NSUN2: variants seen among roughly 807,000 people sequenced by gnomAD.
NSUN2 encodes NOP2/Sun RNA methyltransferase 2.
In NSUN2, 63 loss-of-function variants were observed where a neutral mutation model predicts 92.7. The ratio of observed to expected loss-of-function variants is 0.68; its 90% CI spans 0.56 to 0.84. NSUN2 has a LOEUF of 0.84. NSUN2 is among the 40% of genes least tolerant of loss of function. NSUN2 has a pLI of 0.00. For synonymous variants in NSUN2, 356 were observed against 348.3 expected (o/e 1.02, Z -0.25); for missense variants, 989 against 964.9 (o/e 1.02, Z -0.33).
At chr5:6,629,315 G>C (rs900533733) in intron 3 of NSUN2, among the ~76,000 whole-genome samples, 1 of 152,220 alleles carries the variant, frequency 6.6e-6, no homozygotes, top group South Asian at 2.1e-4. Context: ...TAAAAGGGCT[G>C]ATCAAATCCA....
intron 3 of NSUN2, among the ~76,000 whole-genome samples, chr5:6,630,842 C>T (rs1005842165): frequency 5.3e-5 from 8 of 152,184 alleles, no homozygotes; most frequent in Admixed American, 1.3e-4. Context: ...CGCCTGTAAT[C>T]CCAGCACTTT....
intron 9 of NSUN2, among the ~76,000 whole-genome samples, chr5:6,614,716 G>A (rs545717143): frequency 6.6e-6 from 1 of 152,328 alleles, no homozygotes; most frequent in African/African-American, 2.4e-5. Flanking sequence ...CGGTCTGACA[G>A]CACAGCCAGC....
At chr5:6,610,546 G>A (rs187460371) in intron 11 of NSUN2, among the ~76,000 whole-genome samples, 7 of 152,074 alleles carry the variant, frequency 4.6e-5, no homozygotes, top group Non-Finnish European at 1.0e-4. Flanking sequence ...ACAAAAATTA[G>A]CCAGGCATGC....
At chr5:6,611,123 T>G in intron 10 of NSUN2, 38 bp from the exon 11 acceptor site, 1 of 1,607,964 alleles carries the variant, frequency 6.2e-7, no homozygotes, top group Non-Finnish European at 8.5e-7. Context: ...TTACTAGCAC[T>G]ATCCAATACC....
chr5:6,606,825 A>G lies in NSUN2; in HGVS notation c.1596T>C (p.Pro532=), dbSNP rs1736795770. 8 of 1,536,454 alleles carry G rather than the reference A, an allele frequency of 5.2e-6. No homozygotes were observed. The highest frequency in any genetic ancestry group is 5.4e-6 in the Non-Finnish European group (6 of 1,111,144). ...TAAAAAGGCTGAATCCTTACTCAAT[A>G]GGTGGAAATAATGGGTCATCTTCAG... ...FIPEDDPLFP[P]IEKFYALDPS... The change falls in exon 14 of 19, where the codon CCT becomes CCC. Residue 532 remains proline (P), a synonymous_variant. Coordinates refer to ENST00000264670, the MANE Select transcript of NSUN2 (RefSeq NM_017755.6).
chr5:6,620,773 A>G (rs1019557876), intron 6 of NSUN2: 2 of 152,768 alleles, frequency 1.3e-5, no homozygotes, highest in Admixed American at 1.3e-4. Flanking sequence ...TGGGAAGTCT[A>G]CTGGGTGTAC....
intron 3 of NSUN2, among the ~76,000 whole-genome samples, chr5:6,631,083 G>C (rs1413122991): frequency 6.6e-6 from 1 of 152,202 alleles, no homozygotes; most frequent in African/African-American, 2.4e-5. Context: ...GACAGAGTGA[G>C]ACTCCGTCTC....
chr5:6,599,878 G>A lies in NSUN2; in HGVS notation c.*48C>T, dbSNP rs374381984. 3.3e-5 allele frequency: 51 copies of A among 1,560,934 alleles called. No individual in the cohort carries two copies. The highest frequency in any genetic ancestry group is 1.2e-4 in the Admixed American group (7 of 58,230). On this transcript the variant is annotated 3_prime_UTR_variant, in exon 19 of 19. Transcript: ENST00000264670. ...TTTCAGACACCAGTGACCAGAAGAA[G>A]CCAGTTTTGCGTGTGAGGGGTGTGG...
intron 3 of NSUN2, among the ~76,000 whole-genome samples, chr5:6,628,629 T>C (rs368996968): frequency 1.7e-4 from 26 of 152,368 alleles, no homozygotes; most frequent in African/African-American, 6.3e-4. Context: ...TCTTGAGCAA[T>C]ACAGAAAATT....
At chr5:6,611,301 C>T (rs913578716) in intron 10 of NSUN2, among the ~76,000 whole-genome samples, 3 of 152,052 alleles carry the variant, frequency 2.0e-5, no homozygotes, top group African/African-American at 7.2e-5. Context: ...AGATGAAATA[C>T]ATTTATTCTA....
In NSUN2 at chr5:6,605,354, A is replaced by G; in HGVS notation, c.1656T>C (p.Thr552=). The change falls in exon 15 of 19, where the codon ACT becomes ACC. Residue 552 remains threonine (T), a synonymous_variant. Coordinates refer to ENST00000264670, the MANE Select transcript of NSUN2 (RefSeq NM_017755.6). ...AGAGCTGCCTTTTCTTCCCTTCTGT[A>G]GTCCGAGTTAACAAATTCATCCTTG... The part of the protein sequence containing the change: ...SFPRMNLLTR[T]TEGKKRQLYM... The G allele has an allele frequency of 6.2e-7, 1 of 1,614,188 alleles. No individual in the cohort carries two copies. Among genetic ancestry groups the G allele is most frequent in the South Asian group, 1.1e-5 (1 of 91,090 alleles).
At position 6,632,631 on chromosome 5, in the gene NSUN2, G is replaced by C. The variant is rs138716662; in HGVS notation, c.222C>G (p.Leu74=). 6.2e-7 allele frequency: 1 copy of C among 1,614,184 alleles called. No homozygotes were observed. The highest frequency in any genetic ancestry group is 1.7e-5 in the Admixed American group (1 of 60,022). The change falls in exon 2 of 19, where the codon CTC becomes CTG. Residue 74 remains leucine, a synonymous_variant. Transcript: ENST00000264670. ...GQFMDALREP[L]PATLRITGYK... ...AACCAGTAATTCTTAAAGTGGCCGG[G>C]AGCGGCTCCCTGAGAGCGTCCATGA...
At chr5:6,605,046 G>A (rs1736706588) in intron 15 of NSUN2, 1 of 628,614 alleles carries the variant, frequency 1.6e-6, no homozygotes, top group Non-Finnish European at 2.7e-6. Flanking sequence ...CTGCGGGAAT[G>A]GGGCACAGAA....
chr5:6,625,686 C>T lies in NSUN2; in HGVS notation c.360-17G>A. ...TCAGGATACCTGACCAAAAAGAAAG[C>T]AAAACATTTATGGATTATAAATACT... On this transcript the variant is annotated splice_polypyrimidine_tract_variant and intron_variant, in intron 3 of 18. Transcript: ENST00000264670. The T allele has an allele frequency of 6.4e-7, 1 of 1,570,846 alleles. No homozygotes were observed. Among genetic ancestry groups the T allele is most frequent in the Non-Finnish European group, 8.8e-7 (1 of 1,140,818 alleles).
chr5:6,625,802 C>G, intron 3 of NSUN2, 133 bp from the exon 4 acceptor site: 1 of 660,820 alleles, frequency 1.5e-6, no homozygotes, highest in Non-Finnish European at 2.7e-6. Flanking sequence ...TCACAATCCT[C>G]TACGGACAGT....
chr5:6,620,494 C>A (rs564446012), intron 6 of NSUN2, 196 bp from the exon 7 acceptor site: 83 of 414,392 alleles, frequency 2.0e-4, no homozygotes, highest in Non-Finnish European at 3.3e-4. Flanking sequence ...TTTATGGACA[C>A]TCGAATTTTG....
In NSUN2 at chr5:6,632,981, G is replaced by C. The variant is rs1366830007; in HGVS notation, c.-2C>G. The C allele has an allele frequency of 6.9e-7, 1 of 1,457,366 alleles. No individual in the cohort carries two copies. The highest frequency in any genetic ancestry group is 1.5e-5 in the African/African-American group (1 of 67,418). 90.3% of individuals were successfully genotyped at this position (1,457,366 alleles called of 1,614,324 possible). The stretch of plus-strand genomic sequence containing the variant: ...CCGACCCCGCGACCGCCGCCCCATA[G>C]CCCACGCGGCCGCGCACGCAGCACG... On this transcript the variant is annotated 5_prime_UTR_variant, in exon 1 of 19. Coordinates refer to ENST00000264670, the MANE Select transcript of NSUN2 (RefSeq NM_017755.6).
At chr5:6,630,715 C>T (rs1016644736) in intron 3 of NSUN2, among the ~76,000 whole-genome samples, 1 of 152,122 alleles carries the variant, frequency 6.6e-6, no homozygotes, top group African/African-American at 2.4e-5. Flanking sequence ...GAAAATCTGA[C>T]CTTGATTTGC....
Position 6,599,806 on chromosome 5 carries a change from T to A in NSUN2, c.*120A>T. 1 of 826,674 alleles carries A rather than the reference T, an allele frequency of 1.2e-6. No homozygotes were observed. Among genetic ancestry groups the A allele is most frequent in the Non-Finnish European group, 1.9e-6 (1 of 514,352 alleles). The allele number at this position is 826,674 out of a possible 1,614,324, so 51.2% of individuals were successfully genotyped here. On this transcript the variant is annotated 3_prime_UTR_variant, in exon 19 of 19. Transcript: ENST00000264670. Reference sequence around the variant, plus strand: ...CTCCTATGATCCCACCAGTCTGCAGTCATTAGAAATATATGCTTTACAGGC... The same window carrying A: ...CTCCTATGATCCCACCAGTCTGCAGACATTAGAAATATATGCTTTACAGGC...
Sources: gnomAD v4.1 joint callset for allele counts (sites outside exome capture counted in the v4.1 genomes callset) on GRCh38, gnomAD v4.1.1 for gene constraint, MANE v1.5 for transcripts, NCBI Gene and HGNC (gene_info 2026-07-23, HGNC 2026-07-21) for gene names.